ZNF638: variants seen among roughly 807,000 people sequenced by gnomAD.
ZNF638 encodes zinc finger protein 638, also known as CTCL tumor antigen se33-1.
A neutral mutation model predicts 195.6 loss-of-function variants in ZNF638; 46 were observed. The observed-to-expected ratio is 0.24, with a 90% CI of 0.19 to 0.30. The LOEUF is 0.30. Among genes scored for constraint, ZNF638 ranks in the 10% least tolerant of loss-of-function variants. The probability of loss-of-function intolerance (pLI) is 1.00; values close to 1 mark genes in which losing one functional copy is unlikely to be tolerated. For synonymous variants in ZNF638, 845 were observed against 772.0 expected, an observed-to-expected ratio of 1.09 and a Z score of -1.57; for missense variants, 2,440 against 2,325.3, an observed-to-expected ratio of 1.05 and a Z score of -1.01.
rs537828616 is a variant in ZNF638 at position 71,368,403 on chromosome 2, C to T, written c.2017C>T (p.His673Tyr). The change falls in exon 7 of 28, where the codon CAT (histidine) becomes TAT (tyrosine). Residue 673 changes from histidine (H) to tyrosine (Y), a missense_variant. Around this residue, in one of 5 missense-constraint regions of ZNF638, gnomAD observed 1,883 missense variants for 1,739.1 expected, o/e 1.08. Transcript: ENST00000264447. ...ATAGCTTCGGAAAGAACAGTCATTG[C>T]ATTATGGTTCGGTTCTTCTTATAAC... is the stretch of plus-strand genomic sequence containing the variant. ...QRKLRKEQSL[H>Y]YGSVLLITEL... 2.5e-6 allele frequency: 4 copies of T among 1,612,136 alleles called. No individual in the cohort carries two copies. The highest frequency in any genetic ancestry group is 3.4e-6 in the Non-Finnish European group (4 of 1,179,382).
At chr2:71,418,497 G>GGT in intron 20 of ZNF638, 105 bp from the exon 21 acceptor site, 1 of 703,590 alleles carries the variant, frequency 1.4e-6, no homozygotes, top group Non-Finnish European at 2.1e-6. Context: ...ACATTTTTAA[G>GGT]GTTTTTTTTT....
At chr2:71,408,799 A>G (rs1411100597) in intron 20 of ZNF638, 1 of 408,488 alleles carries the variant, frequency 2.4e-6, no homozygotes, top group Admixed American at 3.7e-5. Context: ...AGGACCTTAT[A>G]TGTGGTGTCC....
chr2:71,344,097 T>C, intron 1 of ZNF638, among the ~76,000 whole-genome samples: 1 of 152,176 alleles, frequency 6.6e-6, no homozygotes, highest in East Asian at 1.9e-4. Flanking sequence ...GCCACTGCAC[T>C]CCAGCTTGGG....
Position 71,400,107 on chromosome 2 carries a change from T to C in ZNF638, c.2588-5T>C. ...TAGACTATTAAAGCAGACTATTTCATGCAGAAAACTCTGAAATAAAGACCA... is the reference window on the plus strand; with the variant it reads ...TAGACTATTAAAGCAGACTATTTCACGCAGAAAACTCTGAAATAAAGACCA... On this transcript the variant is annotated splice_polypyrimidine_tract_variant and splice_region_variant and intron_variant, in intron 13 of 27. Transcript: ENST00000264447. 1 of 1,600,434 alleles carries C rather than the reference T, an allele frequency of 6.2e-7. No homozygotes were observed. The highest frequency in any genetic ancestry group is 8.5e-7 in the Non-Finnish European group (1 of 1,174,688).
At chr2:71,358,722 G>T (rs1361636827) in intron 3 of ZNF638, among the ~76,000 whole-genome samples, 2 of 152,150 alleles carry the variant, frequency 1.3e-5, no homozygotes, top group Non-Finnish European at 2.9e-5. Flanking sequence ...GCCTCACTCT[G>T]ATCACAATGG....
At chr2:71,414,613 T>A (rs966773665) in intron 20 of ZNF638, among the ~76,000 whole-genome samples, 1 of 93,128 alleles carries the variant, frequency 1.1e-5, no homozygotes, top group African/African-American at 4.0e-5. Context: ...TGTAGGCGTT[T>A]AGTGCTATAA....
At chr2:71,335,007 A>G (rs189650862) in intron 1 of ZNF638, among the ~76,000 whole-genome samples, 158 of 152,170 alleles carry the variant, frequency 1.0e-3, no homozygotes, top group Middle Eastern at 6.9e-3. Flanking sequence ...TTTGGTTTGA[A>G]AAGAAAGTCC....
At chr2:71,433,041 C>G in intron 26 of ZNF638, 124 bp from the exon 27 acceptor site, 1 of 753,198 alleles carries the variant, frequency 1.3e-6, no homozygotes. Context: ...GAGCTGACAT[C>G]GCGCCACTGC....
chr2:71,388,576 G>C, intron 10 of ZNF638: 1 of 763,316 alleles, frequency 1.3e-6, no homozygotes, highest in Non-Finnish European at 2.4e-6. Context: ...CTGCGCTCAC[G>C]CAAAATACCT....
chr2:71,386,293 C>CAAAAAAA (rs58219651), intron 10 of ZNF638, among the ~76,000 whole-genome samples: 1 of 85,222 alleles, frequency 1.2e-5, no homozygotes, highest in African/African-American at 4.2e-5. Flanking sequence ...GACCTTGTCT[C>CAAAAAAA]AAAAAAAAAA....
chr2:71,404,059 T>G (rs2080056679), intron 17 of ZNF638, 61 bp downstream of exon 17: 5 of 1,517,442 alleles, frequency 3.3e-6, no homozygotes, highest in Non-Finnish European at 4.5e-6. Flanking sequence ...TTTGTTACAG[T>G]CTGTTATGTT....
At chr2:71,381,008 G>C (rs1163723507) in intron 10 of ZNF638, 1 of 152,592 alleles carries the variant, frequency 6.6e-6, no homozygotes, top group African/African-American at 2.4e-5. Context: ...TCATACTCAT[G>C]TACTAAAAGC....
intron 8 of ZNF638, chr2:71,373,826 T>C (rs2079366306): frequency 6.6e-6 from 1 of 152,066 alleles, no homozygotes; most frequent in Admixed American, 6.6e-5. Context: ...TCTGAGGACA[T>C]GTTCCCCTCT....
At chr2:71,348,468 T>C (rs1207084780) in intron 1 of ZNF638, 8 of 1,022,806 alleles carry the variant, frequency 7.8e-6, no homozygotes, top group Admixed American at 1.0e-4. Context: ...TTCAAGATTA[T>C]GTAAAAGGAG....
At chr2:71,344,733 G>A (rs1297360441) in intron 1 of ZNF638, among the ~76,000 whole-genome samples, 1 of 152,160 alleles carries the variant, frequency 6.6e-6, no homozygotes, top group Non-Finnish European at 1.5e-5. Context: ...CAAAGTAGAA[G>A]TGCTGTTGGT....
intron 8 of ZNF638, among the ~76,000 whole-genome samples, chr2:71,372,831 C>T (rs753288749): frequency 7.2e-5 from 11 of 152,318 alleles, no homozygotes; most frequent in South Asian, 2.1e-4. Context: ...ATTTGGTAGT[C>T]TAACCATGTT....
intron 5 of ZNF638, among the ~76,000 whole-genome samples, chr2:71,364,866 A>G (rs149058119): frequency 0.011 from 1,692 of 152,274 alleles, 15 homozygotes; most frequent in Middle Eastern, 0.031. Context: ...TAAGAGTTCT[A>G]TGAGATCTCT....
At chr2:71,434,679 A>G in intron 27 of ZNF638, 63 bp from the exon 28 acceptor site, 1 of 1,377,838 alleles carries the variant, frequency 7.3e-7, no homozygotes, top group South Asian at 1.2e-5. Flanking sequence ...ACAGTAGATA[A>G]GTTTGCACAC....
chr2:71,344,417 C>G (rs2078817565), intron 1 of ZNF638, among the ~76,000 whole-genome samples: 1 of 152,118 alleles, frequency 6.6e-6, no homozygotes, highest in Non-Finnish European at 1.5e-5. Flanking sequence ...CAAGAGATTT[C>G]TAACTATATA....
Sources: gnomAD v4.1 joint callset for allele counts (sites outside exome capture counted in the v4.1 genomes callset) on GRCh38, gnomAD v4.1.1 for gene constraint, gnomAD v4.1.1 regional missense constraint, MANE v1.5 for transcripts, NCBI Gene and HGNC (gene_info 2026-07-23, HGNC 2026-07-21) for gene names.